The following RNF121 variants were observed in gnomAD, a reference collection of about 807,000 sequenced individuals.
The protein encoded by RNF121 is E3 ubiquitin ligase RNF121.
In RNF121, 21 loss-of-function variants were observed where a neutral mutation model predicts 46.5. The observed-to-expected ratio is 0.45, with a 90% confidence interval of 0.32 to 0.65. The LOEUF (loss-of-function observed/expected upper bound fraction) is 0.65, where lower values mean the gene tolerates loss of function less well. Ranked by LOEUF, RNF121 falls within the 30% of genes least tolerant of loss-of-function variation. RNF121 has a pLI of 0.04. For missense variants in RNF121, 346 were observed against 416.0 expected, an observed-to-expected ratio of 0.83 and a Z score of 1.46; for synonymous variants, 139 against 144.7, an observed-to-expected ratio of 0.96 and a Z score of 0.28.
chr11:71,982,728 G>T (rs765242853), intron 3 of RNF121, 33 bp from the exon 4 acceptor site: 3 of 1,582,434 alleles, frequency 1.9e-6, no homozygotes, highest in Non-Finnish European at 2.6e-6. Context: ...GAGGGAGCTG[G>T]CCAGAGCTGA....
At chr11:71,943,306 A>G (rs1434147245) in intron 1 of RNF121, among the ~76,000 whole-genome samples, 6 of 152,214 alleles carry the variant, frequency 3.9e-5, no homozygotes, top group African/African-American at 9.6e-5. Context: ...TGGCATCACC[A>G]TGGTACCATT....
intron 6 of RNF121, among the ~76,000 whole-genome samples, chr11:71,993,015 A>C (rs770060058): frequency 2.6e-5 from 4 of 152,178 alleles, no homozygotes; most frequent in Non-Finnish European, 4.4e-5. Flanking sequence ...GTACCGTTTA[A>C]GGCCAGGGAC....
intron 3 of RNF121, among the ~76,000 whole-genome samples, chr11:71,967,163 G>C (rs1421132287): frequency 6.6e-6 from 1 of 150,484 alleles, no homozygotes; most frequent in African/African-American, 2.4e-5. Flanking sequence ...GAGCCACCGC[G>C]CCCGGCCAAT....
chr11:71,985,286 T>C (rs1216539601), intron 4 of RNF121, among the ~76,000 whole-genome samples: 6 of 152,148 alleles, frequency 3.9e-5, no homozygotes, highest in Non-Finnish European at 8.8e-5. Context: ...ACATGTATTA[T>C]ATACCAGGAA....
intron 5 of RNF121, among the ~76,000 whole-genome samples, chr11:71,987,951 G>T (rs1276030107): frequency 6.6e-6 from 1 of 152,216 alleles, no homozygotes; most frequent in Non-Finnish European, 1.5e-5. Context: ...GAATGTCGCA[G>T]TCCAGATGTG....
chr11:71,939,809 C>G (rs1349482417), intron 1 of RNF121, among the ~76,000 whole-genome samples: 1 of 152,050 alleles, frequency 6.6e-6, no homozygotes, highest in Non-Finnish European at 1.5e-5. Flanking sequence ...TTAATTATGC[C>G]AGGTACTCTT....
intron 3 of RNF121, among the ~76,000 whole-genome samples, chr11:71,967,835 A>G (rs1954323133): frequency 6.6e-6 from 1 of 152,206 alleles, no homozygotes; most frequent in South Asian, 2.1e-4. Context: ...ATATGTAAGT[A>G]TTATTCACAA....
chr11:71,940,168 T>C (rs1390128509), intron 1 of RNF121, among the ~76,000 whole-genome samples: 4 of 152,254 alleles, frequency 2.6e-5, no homozygotes, highest in African/African-American at 9.6e-5. Flanking sequence ...ATATATTTAC[T>C]GATAACTGCA....
At position 71,947,454 on chromosome 11, in the gene RNF121, G is replaced by A. The variant is rs141163143; in HGVS notation, c.64-9773G>A. On this transcript the variant is annotated intron_variant, in intron 1 of 8. Coordinates refer to ENST00000361756, the MANE Select transcript of RNF121 (RefSeq NM_018320.5). ...CAGTGAGCTATGATCAAGCCACTGC[G>A]CTACAACCTGAGTGACAAAGACCTG... Among the ~76,000 whole-genome samples, 663 of 149,454 alleles carry A rather than the reference G, an allele frequency of 4.4e-3. 3 individuals carry two copies. The highest frequency in any genetic ancestry group is 0.016 in the African/African-American group (632 of 40,496).
At chr11:71,942,402 C>T (rs922402950) in intron 1 of RNF121, among the ~76,000 whole-genome samples, 8 of 151,968 alleles carry the variant, frequency 5.3e-5, no homozygotes, top group East Asian at 3.9e-4. Context: ...GTTTTGGATT[C>T]GGTGGGGGGT....
intron 3 of RNF121, among the ~76,000 whole-genome samples, chr11:71,971,427 CAAGT>C (rs1044590229): frequency 1.3e-5 from 2 of 152,042 alleles, no homozygotes; most frequent in African/African-American, 4.8e-5. Context: ...AAAATATAAG[CAAGT>C]AAGAAAGATT....
chr11:71,953,585 C>G (rs1027937007), intron 1 of RNF121, among the ~76,000 whole-genome samples: 2 of 142,420 alleles, frequency 1.4e-5, no homozygotes, highest in Admixed American at 6.9e-5. Context: ...TCTTAACAAG[C>G]TCTCAGGGTA....
At chr11:71,947,316 C>T (rs955732500) in intron 1 of RNF121, among the ~76,000 whole-genome samples, 1 of 151,934 alleles carries the variant, frequency 6.6e-6, no homozygotes, top group African/African-American at 2.4e-5. Flanking sequence ...GTAGAGACCT[C>T]ATCTTTACAG....
rs762031644 is a variant in RNF121 at position 71,957,302 on chromosome 11, G to T, written c.101+38G>T. 2.4e-5 allele frequency: 32 copies of T among 1,330,856 alleles called. 1 individual carries two copies. The South Asian group carries it at 3.7e-4, about 15-fold the overall frequency. The allele number at this position is 1,330,856 out of a possible 1,614,324, so 82.4% of individuals were successfully genotyped here. Reference sequence around the variant, plus strand: ...GTTCGGGCCCTGCAGTCTAGGAACTGCAGGTTAACCCAGCTTAATTGAGTG... The same window carrying T: ...GTTCGGGCCCTGCAGTCTAGGAACTTCAGGTTAACCCAGCTTAATTGAGTG... On this transcript the variant is annotated intron_variant, in intron 2 of 8. Transcript: ENST00000361756.
chr11:71,945,768 A>T (rs992571617), intron 1 of RNF121, among the ~76,000 whole-genome samples: 7 of 150,268 alleles, frequency 4.7e-5, no homozygotes, highest in Admixed American at 6.7e-5. Flanking sequence ...TCTATAGAAG[A>T]TATAAAGAGC....
chr11:71,984,472 AG>A (rs1480417862), intron 4 of RNF121, among the ~76,000 whole-genome samples: 2 of 151,984 alleles, frequency 1.3e-5, no homozygotes, highest in Non-Finnish European at 2.9e-5. Flanking sequence ...TAGTAGAGAC[AG>A]GGTTTCCCCG....
chr11:71,978,477 A>AT (rs1342877010), intron 3 of RNF121, among the ~76,000 whole-genome samples: 1 of 152,220 alleles, frequency 6.6e-6, no homozygotes, highest in Non-Finnish European at 1.5e-5. Context: ...GAAATTGCTT[A>AT]TAACCTTATC....
rs114190657 is a variant in RNF121, at chr11:71,931,633, C to T, written c.63+2509C>T. ...GACAGGATCTTTACCAATTTACAGT[C>T]GAGTGAAGAGACATGCAAATAGCGT... On this transcript the variant is annotated intron_variant, in intron 1 of 8. Transcript: ENST00000361756. Among the ~76,000 whole-genome samples, 569 of 152,038 alleles carry T rather than the reference C, an allele frequency of 3.7e-3. 4 individuals are homozygous for T. The highest frequency in any genetic ancestry group is 0.013 in the African/African-American group (550 of 41,444).
chr11:71,965,087 T>TA (rs938669048), intron 3 of RNF121, among the ~76,000 whole-genome samples: 15 of 152,316 alleles, frequency 9.8e-5, no homozygotes, highest in African/African-American at 3.6e-4. Flanking sequence ...GAACCACTGT[T>TA]AATCAATTTG....
Sources: allele counts gnomAD v4.1 joint callset (sites outside exome capture counted in the v4.1 genomes callset), GRCh38; gene constraint gnomAD v4.1.1; transcripts MANE v1.5; gene names NCBI Gene and HGNC (gene_info 2026-07-23, HGNC 2026-07-21).